Variants in NET1 observed in about 807,000 individuals in gnomAD.
The protein encoded by NET1 is neuroepithelial cell-transforming gene 1 protein.
In NET1, 42 loss-of-function variants were observed where a neutral mutation model predicts 61.1. The observed-to-expected ratio is 0.69, with a 90% CI of 0.54 to 0.89. NET1 has a LOEUF of 0.89. Ranked by LOEUF, NET1 falls within the 40% of genes least tolerant of loss-of-function variation. The pLI, the probability that NET1 is intolerant of heterozygous loss-of-function variation, is 0.00. For synonymous variants in NET1, 254 were observed against 281.8 expected, an observed-to-expected ratio of 0.90 and a Z score of 0.99; for missense variants, 654 against 747.3, an observed-to-expected ratio of 0.88 and a Z score of 1.46.
chr10:5,437,667 T>TG lies in NET1; in HGVS notation c.255+8438_255+8439insG, dbSNP rs1484198667. Reference sequence around the variant, plus strand: ...CTTTTCAACTCTGTATTTTCCCTAGTATTTTTTTTTTTAACCAACTATTGG... The same window carrying TG: ...CTTTTCAACTCTGTATTTTCCCTAGTGATTTTTTTTTTTAACCAACTATTGG... On this transcript the variant is annotated intron_variant, in intron 3 of 11. Coordinates refer to ENST00000355029, the MANE Select transcript of NET1 (RefSeq NM_001047160.3). The surrounding 1 kb of genome is among the most constrained non-coding windows in gnomAD (Gnocchi z 4.3). Among the ~76,000 whole-genome samples the TG allele has an allele frequency of 9.5e-5, 1 of 10,498 alleles. No individual in the cohort carries two copies. Among genetic ancestry groups the TG allele is most frequent in the African/African-American group, 1.5e-4 (1 of 6,880 alleles). The allele number at this position is 10,498 out of a possible 152,430, so 6.9% of individuals were successfully genotyped here.
At position 5,454,802 on chromosome 10, in the gene NET1, A is replaced by C. The variant is rs956756369; in HGVS notation, c.1027-146A>C. ...GCTAGGACTGTTTCTTGATCTATAA[A>C]ATGAACAGACTGGCAGAATTAACTG... is the stretch of plus-strand genomic sequence containing the variant. On this transcript the variant is annotated intron_variant, in intron 9 of 11. Transcript: ENST00000355029. This position sits in a 1 kb window ranked among gnomAD's most constrained non-coding sequence, Gnocchi z 8.1. The C allele has an allele frequency of 2.5e-6, 2 of 804,724 alleles. No homozygotes were observed. The highest frequency in any genetic ancestry group is 3.9e-6 in the Non-Finnish European group (2 of 517,070). 49.8% of individuals were successfully genotyped at this position (804,724 alleles called of 1,614,324 possible). A position where few individuals can be genotyped will look rare whatever the true frequency, so the allele number is the denominator to read the frequency against.
At chr10:5,413,266 C>A (rs1424498179) in intron 1 of NET1, among the ~76,000 whole-genome samples, 3 of 152,166 alleles carry the variant, frequency 2.0e-5, no homozygotes, top group Non-Finnish European at 4.4e-5. Flanking sequence ...GGCTGGCGTT[C>A]CCAAATGCCT....
chr10:5,449,887 G>A lies in NET1; in HGVS notation c.256-1943G>A, dbSNP rs918377977. On this transcript the variant is annotated intron_variant, in intron 3 of 11. Transcript: ENST00000355029. This position sits in a 1 kb window ranked among gnomAD's most constrained non-coding sequence, Gnocchi z 4.4. Reference sequence around the variant, plus strand: ...TTGTTATGCATGAAACAAGGAAGAGGAGTTAACCTCTGTTCCCAAAAAGCG... The same window carrying A: ...TTGTTATGCATGAAACAAGGAAGAGAAGTTAACCTCTGTTCCCAAAAAGCG... Among the ~76,000 whole-genome samples the A allele has an allele frequency of 6.6e-6, 1 of 152,194 alleles. No individual in the cohort carries two copies. Among genetic ancestry groups the A allele is most frequent in the African/African-American group, 2.4e-5 (1 of 41,450 alleles).
Position 5,428,038 on chromosome 10 carries a change from C to CCTTTTTTTTTTTTT in NET1, c.196-1132_196-1131insCTTTTTTTTTTTTT, listed in dbSNP as rs767299959. 4.4e-5 allele frequency among the ~76,000 whole-genome samples: 5 copies of CCTTTTTTTTTTTTT among 113,904 alleles called. 2 individuals are homozygous for CCTTTTTTTTTTTTT. Among genetic ancestry groups the CCTTTTTTTTTTTTT allele is most frequent in the African/African-American group, 6.8e-5 (2 of 29,352 alleles). 74.7% of individuals were successfully genotyped at this position (113,904 alleles called of 152,430 possible). A position where few individuals can be genotyped will look rare whatever the true frequency, so the allele number is the denominator to read the frequency against. ...CACTTCTATCTGGACTTTGCCGTTCCTTTTTTTTTTTTTTTTTTTTTTTTT... is the reference window on the plus strand; with the variant it reads ...CACTTCTATCTGGACTTTGCCGTTCCCTTTTTTTTTTTTTTTTTTTTTTTTTTTTTTTTTTTTTT... On this transcript the variant is annotated intron_variant, in intron 2 of 11. Transcript: ENST00000355029.
At chr10:5,434,257 C>A (rs1171016896) in intron 3 of NET1, among the ~76,000 whole-genome samples, 2 of 152,184 alleles carry the variant, frequency 1.3e-5, no homozygotes, top group Non-Finnish European at 2.9e-5. Context: ...TTTCTGAGAT[C>A]TTTTCTGCTC....
In NET1 at chr10:5,435,520, GATA is replaced by G. The variant is rs1832415225; in HGVS notation, c.255+6292_255+6294del. On this transcript the variant is annotated intron_variant, in intron 3 of 11. Coordinates refer to ENST00000355029, the MANE Select transcript of NET1 (RefSeq NM_001047160.3). This position sits in a 1 kb window ranked among gnomAD's most constrained non-coding sequence, Gnocchi z 5.0. ...AGATAGATAGATAGATAGATAGATA[GATA>G]GATAGATAGACAGACAGACAGATAG... Among the ~76,000 whole-genome samples the G allele has an allele frequency of 1.3e-4, 1 of 7,924 alleles. No homozygotes were observed. The highest frequency in any genetic ancestry group is 2.7e-4 in the African/African-American group (1 of 3,658). 5.2% of individuals were successfully genotyped at this position (7,924 alleles called of 152,430 possible).
intron 3 of NET1, among the ~76,000 whole-genome samples, chr10:5,434,662 T>G (rs1489281980): frequency 1.3e-5 from 2 of 152,054 alleles, no homozygotes; most frequent in Non-Finnish European, 2.9e-5. Flanking sequence ...AGGGGAATCT[T>G]TCTCTTTGTT....
intron 1 of NET1, among the ~76,000 whole-genome samples, chr10:5,418,214 G>C (rs1171080581): frequency 1.3e-5 from 2 of 151,916 alleles, no homozygotes; most frequent in Non-Finnish European, 2.9e-5. Context: ...TTTTGAAAGA[G>C]TTTGTGAAGA....
At chr10:5,434,330 G>C (rs1207731424) in intron 3 of NET1, among the ~76,000 whole-genome samples, 3 of 152,148 alleles carry the variant, frequency 2.0e-5, no homozygotes, top group African/African-American at 7.2e-5. Flanking sequence ...TTCTCAGTCT[G>C]GAGTCTACTC....
chr10:5,450,689 C>T (rs1832689932), intron 3 of NET1, among the ~76,000 whole-genome samples: 1 of 152,070 alleles, frequency 6.6e-6, no homozygotes, highest in Admixed American at 6.5e-5. Context: ...CCACAATTGT[C>T]AGAAGCACAA....
chr10:5,448,494 T>C (rs1832652599), intron 3 of NET1, among the ~76,000 whole-genome samples: 2 of 152,352 alleles, frequency 1.3e-5, no homozygotes, highest in African/African-American at 4.8e-5. Flanking sequence ...ACTGCCTGGC[T>C]AACCTAGTCT....
At position 5,455,103 on chromosome 10, in the gene NET1, G is replaced by A; in HGVS notation, c.1182G>A (p.Arg394=). ...TGCTGCTGTGCCATGGGGAGCTGCG[G>A]AGCAAGAGTGGACATGTAGGTGACT... ...SKVLLCHGEL[R]SKSGHKLYIF... The change falls in exon 10 of 12, where the codon CGG becomes CGA. Residue 394 remains arginine (R), a synonymous_variant. Transcript: ENST00000355029. The surrounding 1 kb of genome is among the most constrained non-coding windows in gnomAD (Gnocchi z 6.5). 1 of 1,613,452 alleles carries A rather than the reference G, an allele frequency of 6.2e-7. No homozygotes were observed. The highest frequency in any genetic ancestry group is 1.1e-5 in the South Asian group (1 of 91,044).
chr10:5,453,557 C>A lies in NET1; in HGVS notation c.765C>A (p.Ser255Arg), dbSNP rs201881295. The change falls in exon 8 of 12, where the codon AGC becomes AGA. Residue 255 changes from serine (S) to arginine (R), a missense_variant. By Grantham distance (110) the Ser-to-Arg change is moderately radical (BLOSUM62 -1). Coordinates refer to ENST00000355029, the MANE Select transcript of NET1 (RefSeq NM_001047160.3). The surrounding 1 kb of genome is among the most constrained non-coding windows in gnomAD (Gnocchi z 4.9). ...AGCAGATTGGTCACATTCTCGTGAG[C>A]TGGGTATGTAGTGAGTTGTTGACCC... ...TVEQIGHILV[S>R]WLPRLNAYRG... 5.0e-6 allele frequency: 8 copies of A among 1,613,728 alleles called. No individual in the cohort carries two copies. The highest frequency in any genetic ancestry group is 6.8e-6 in the Non-Finnish European group (8 of 1,179,818).
Position 5,417,252 on chromosome 10 carries a change from TTTTTATAGGCACAGGTGGGGGCGTGC to T in NET1, c.128+4448_128+4473del, listed in dbSNP as rs1832098671. 6.7e-6 allele frequency among the ~76,000 whole-genome samples: 1 copy of T among 149,188 alleles called. No individual in the cohort carries two copies. Among genetic ancestry groups the T allele is most frequent in the South Asian group, 2.2e-4 (1 of 4,546 alleles). ...GTCTGCCTGCTAGGGTCTCGGGGGG[TTTTTATAGGCACAGGTGGGGGCGTGC>T]TTTTATAGGCACAGGATGGGGGTGT... is the stretch of plus-strand genomic sequence containing the variant. On this transcript the variant is annotated intron_variant, in intron 1 of 11. Coordinates refer to ENST00000355029, the MANE Select transcript of NET1 (RefSeq NM_001047160.3). The surrounding 1 kb of genome is among the most constrained non-coding windows in gnomAD (Gnocchi z 5.5).
In NET1 at chr10:5,456,821, A is replaced by G. The variant is rs779732760; in HGVS notation, c.1618A>G (p.Thr540Ala). 2 of 1,613,924 alleles carry G rather than the reference A, an allele frequency of 1.2e-6. No individual in the cohort carries two copies. The highest frequency in any genetic ancestry group is 3.3e-5 in the Admixed American group (2 of 59,958). ...RKLTAQRRAS[T>A]VSSVTQVEVD... ...ACTCACAGCCCAGAGGAGGGCATCCACAGTTTCCAGTGTTACTCAGGTAGA... is the reference window on the plus strand; with the variant it reads ...ACTCACAGCCCAGAGGAGGGCATCCGCAGTTTCCAGTGTTACTCAGGTAGA... The change falls in exon 12 of 12, where the codon ACA becomes GCA. Residue 540 changes from threonine (T) to alanine (A), a missense_variant. Transcript: ENST00000355029. This position sits in a 1 kb window ranked among gnomAD's most constrained non-coding sequence, Gnocchi z 7.0.
At position 5,439,647 on chromosome 10, in the gene NET1, G is replaced by T. The variant is rs936980190; in HGVS notation, c.255+10418G>T. 6.6e-6 allele frequency among the ~76,000 whole-genome samples: 1 copy of T among 152,194 alleles called. No individual in the cohort carries two copies. Among genetic ancestry groups the T allele is most frequent in the South Asian group, 2.1e-4 (1 of 4,828 alleles). On this transcript the variant is annotated intron_variant, in intron 3 of 11. Transcript: ENST00000355029. This position sits in a 1 kb window ranked among gnomAD's most constrained non-coding sequence, Gnocchi z 4.8. ...CTCTAACTAGGTCTGCCCCACACCT[G>T]GGGCTGCTTTTCAAACCGGAGTCAT...
rs4586052 is a variant in NET1, at chr10:5,416,704, C to A, written c.128+3884C>A. ...AAATGGGAAAAGTTCCCTTTTCCCC[C>A]TCGCAGGGCGTGCACTGGAGGTGTG... On this transcript the variant is annotated intron_variant, in intron 1 of 11. Coordinates refer to ENST00000355029, the MANE Select transcript of NET1 (RefSeq NM_001047160.3). The surrounding 1 kb of genome is among the most constrained non-coding windows in gnomAD (Gnocchi z 6.1). 2.6e-5 allele frequency among the ~76,000 whole-genome samples: 4 copies of A among 152,082 alleles called. No homozygotes were observed. Among genetic ancestry groups the A allele is most frequent in the African/African-American group, 7.2e-5 (3 of 41,394 alleles).
chr10:5,448,837 C>T (rs774436855), intron 3 of NET1, among the ~76,000 whole-genome samples: 1 of 152,038 alleles, frequency 6.6e-6, no homozygotes, highest in Admixed American at 6.6e-5. Flanking sequence ...AGATAGAAAG[C>T]GCCTGTTCCA....
Position 5,456,416 on chromosome 10 carries a change from G to A in NET1, c.1384+143G>A, listed in dbSNP as rs1040394846. ...CCATTGAGTTGTCCAGGCCTTCCCA[G>A]CTCGAACACCCGCAGGTGTATCTAA... On this transcript the variant is annotated intron_variant, in intron 11 of 11. Coordinates refer to ENST00000355029, the MANE Select transcript of NET1 (RefSeq NM_001047160.3). The surrounding 1 kb of genome is among the most constrained non-coding windows in gnomAD (Gnocchi z 7.0). 2 of 1,037,404 alleles carry A rather than the reference G, an allele frequency of 1.9e-6. No homozygotes were observed. The highest frequency in any genetic ancestry group is 1.6e-5 in the African/African-American group (1 of 61,906). The allele number at this position is 1,037,404 out of a possible 1,614,324, so 64.3% of individuals were successfully genotyped here. A position where few individuals can be genotyped will look rare whatever the true frequency, so the allele number is the denominator to read the frequency against.
Sources: allele counts gnomAD v4.1 joint callset (sites outside exome capture counted in the v4.1 genomes callset), GRCh38; gene constraint gnomAD v4.1.1; non-coding constraint Gnocchi (gnomAD v3.1); transcripts MANE v1.5; gene names NCBI Gene and HGNC (gene_info 2026-07-23, HGNC 2026-07-21).